SRP54: variants seen among roughly 807,000 people sequenced by gnomAD.
The protein encoded by SRP54 is signal recognition particle subunit SRP54.
A neutral mutation model predicts 64.8 loss-of-function variants in SRP54; 10 were observed. The ratio of observed to expected loss-of-function variants is 0.15; its 90% CI spans 0.10 to 0.26. SRP54 has a LOEUF of 0.26. Among genes scored for constraint, SRP54 ranks in the 10% least tolerant of loss-of-function variants. The pLI, the probability that SRP54 is intolerant of heterozygous loss-of-function variation, is 1.00. For missense variants in SRP54, 325 were observed against 613.7 expected (o/e 0.53, Z 4.97); for synonymous variants, 193 against 185.6 (o/e 1.04, Z -0.32).
chr14:35,010,794 A>T lies in SRP54; in HGVS notation c.486-715A>T, dbSNP rs544906790. On this transcript the variant is annotated intron_variant, in intron 7 of 15. Transcript: ENST00000216774. ...ATAAATAAATAAATACATAAAAATT[A>T]AAAAAAAAATTGGAAAAACGTCAAA... Among the ~76,000 whole-genome samples, 33 of 150,724 alleles carry T rather than the reference A, an allele frequency of 2.2e-4. No homozygotes were observed. In the East Asian group the frequency reaches 2.3e-3, roughly 11 times the overall value.
intron 1 of SRP54, among the ~76,000 whole-genome samples, chr14:34,987,362 A>G (rs2043916057): frequency 1.3e-5 from 2 of 150,924 alleles, no homozygotes; most frequent in Non-Finnish European, 3.0e-5. Context: ...TTACAAAGTT[A>G]CGCAACTATC....
At chr14:34,996,377 C>CA (rs2044073712) in intron 1 of SRP54, among the ~76,000 whole-genome samples, 1 of 151,460 alleles carries the variant, frequency 6.6e-6, no homozygotes, top group South Asian at 2.1e-4. Context: ...AGTATTGTGC[C>CA]AAAAAAAGAA....
intron 11 of SRP54, among the ~76,000 whole-genome samples, chr14:35,016,247 A>T (rs563513597): frequency 6.6e-6 from 1 of 152,338 alleles, no homozygotes; most frequent in South Asian, 2.1e-4. Context: ...AGCCCAGAAT[A>T]ATCTTTCAAA....
At chr14:34,987,845 A>G (rs1486136327) in intron 1 of SRP54, among the ~76,000 whole-genome samples, 1 of 152,222 alleles carries the variant, frequency 6.6e-6, no homozygotes, top group East Asian at 1.9e-4. Context: ...TTAACAAAAT[A>G]TGGATTATAC....
intron 1 of SRP54, chr14:34,993,205 C>T (rs1425969532): frequency 6.6e-6 from 1 of 152,068 alleles, no homozygotes; most frequent in East Asian, 1.9e-4. Flanking sequence ...ATGACATGAC[C>T]TCTAAAAAAG....
In SRP54 at chr14:34,999,323, C is replaced by A. The variant is rs143047244; in HGVS notation, c.79-235C>A. On this transcript the variant is annotated intron_variant, in intron 2 of 15. Transcript: ENST00000216774. ...AGCCACCATGCCGGGCCTATAATTA[C>A]TTTTATATAGGAATAAAATTGTGGC... Among the ~76,000 whole-genome samples the A allele has an allele frequency of 8.1e-3, 1,239 of 152,100 alleles. 16 individuals carry two copies. The highest frequency in any genetic ancestry group is 0.029 in the African/African-American group (1,187 of 41,502).
chr14:35,011,601 G>A lies in SRP54; in HGVS notation c.578G>A (p.Gly193Asp). Residue 193 changes from glycine (G) to aspartate (D), a missense_variant, in exon 8 of 16, where the codon GGC (glycine) becomes GAC (aspartate). Gly to Asp is a moderately conservative substitution (Grantham distance 94). Around this residue, in one of 3 missense-constraint regions of SRP54, gnomAD observed 156 missense variants for 254.6 expected, o/e 0.61. Coordinates refer to ENST00000216774, the MANE Select transcript of SRP54 (RefSeq NM_003136.4). ...NFEIIIVDTS[G>D]RHKQEDSLFE... The stretch of plus-strand genomic sequence containing the variant: ...GAAATTATTATTGTTGATACAAGTG[G>A]CCGCCACAAACAAGAAGACTCTTTG... 2 of 1,593,556 alleles carry A rather than the reference G, an allele frequency of 1.3e-6. No homozygotes were observed. Among genetic ancestry groups the A allele is most frequent in the East Asian group, 2.2e-5 (1 of 44,592 alleles).
At chr14:34,998,601 C>T (rs1478467376) in intron 2 of SRP54, among the ~76,000 whole-genome samples, 1 of 151,940 alleles carries the variant, frequency 6.6e-6, no homozygotes, top group East Asian at 1.9e-4. Flanking sequence ...CACCTGAGGT[C>T]AGGAGTTTGA....
chr14:35,001,971 T>C (rs917399777), intron 4 of SRP54, among the ~76,000 whole-genome samples: 3 of 148,712 alleles, frequency 2.0e-5, no homozygotes, highest in African/African-American at 7.5e-5. Flanking sequence ...GAGGCGGAGG[T>C]GGGAGGATTG....
At chr14:35,007,440 A>G in intron 5 of SRP54, 53 bp downstream of exon 5, 1 of 1,158,382 alleles carries the variant, frequency 8.6e-7, no homozygotes, top group East Asian at 2.8e-5. Context: ...GTTTGTATAA[A>G]TCAAGTTTTG....
At chr14:35,018,883 A>G (rs1049343963) in intron 12 of SRP54, 83 bp from the exon 13 acceptor site, 19 of 1,412,682 alleles carry the variant, frequency 1.3e-5, no homozygotes, top group Non-Finnish European at 1.8e-5. Flanking sequence ...CTTAGTGTCA[A>G]TATTAAACCT....
At chr14:34,991,787 A>G (rs781607895) in intron 1 of SRP54, among the ~76,000 whole-genome samples, 1 of 151,996 alleles carries the variant, frequency 6.6e-6, no homozygotes, top group Non-Finnish European at 1.5e-5. Flanking sequence ...TCTGTGTGCA[A>G]TGGAAGTCAT....
At chr14:35,027,015 C>A (rs756800265) in intron 14 of SRP54, among the ~76,000 whole-genome samples, 1 of 145,684 alleles carries the variant, frequency 6.9e-6, no homozygotes, top group Non-Finnish European at 1.5e-5. Context: ...TCATACTTTA[C>A]TTTCTACTTT....
rs757048242 is a variant in SRP54 at position 34,996,659 on chromosome 14, A to T, written c.-33-18A>T. On this transcript the variant is annotated intron_variant, in intron 1 of 15. Coordinates refer to ENST00000216774, the MANE Select transcript of SRP54 (RefSeq NM_003136.4). ...AAGTGAAATTGATTATTCTCACTTA[A>T]TTTTTTTTCTGCTGTAGAGTTCTTC... 3 of 1,280,130 alleles carry T rather than the reference A, an allele frequency of 2.3e-6. No homozygotes were observed. The highest frequency in any genetic ancestry group is 2.3e-5 in the East Asian group (1 of 43,256). 79.3% of individuals were successfully genotyped at this position (1,280,130 alleles called of 1,614,324 possible). A position where few individuals can be genotyped will look rare whatever the true frequency, so the allele number is the denominator to read the frequency against.
intron 14 of SRP54, among the ~76,000 whole-genome samples, chr14:35,024,520 A>G (rs1441956413): frequency 6.6e-6 from 1 of 152,100 alleles, no homozygotes; most frequent in East Asian, 1.9e-4. Flanking sequence ...TATGTCTTCA[A>G]ATATTTTCCC....
chr14:34,991,127 T>TTTTGTTG (rs1555352960), intron 1 of SRP54, among the ~76,000 whole-genome samples: 1 of 123,186 alleles, frequency 8.1e-6, no homozygotes, highest in East Asian at 2.5e-4. Context: ...TTTTTTTTTT[T>TTTTGTTG]TTGTTGTTGT....
At chr14:34,984,260 C>T (rs1594972200) in intron 1 of SRP54, among the ~76,000 whole-genome samples, 1 of 152,134 alleles carries the variant, frequency 6.6e-6, no homozygotes, top group South Asian at 2.1e-4. Context: ...GTAAGATAAC[C>T]ATAAATGTAG....
At chr14:35,026,364 A>G (rs1316765755) in intron 14 of SRP54, among the ~76,000 whole-genome samples, 3 of 151,892 alleles carry the variant, frequency 2.0e-5, no homozygotes, top group African/African-American at 4.8e-5. Flanking sequence ...AGTAGCTGAG[A>G]CTACAGACGC....
At chr14:34,990,487 A>G (rs2043961739) in intron 1 of SRP54, among the ~76,000 whole-genome samples, 1 of 152,194 alleles carries the variant, frequency 6.6e-6, no homozygotes, top group Non-Finnish European at 1.5e-5. Context: ...GTGAAATGAG[A>G]TAATAGATGT....
Sources: allele counts gnomAD v4.1 joint callset (sites outside exome capture counted in the v4.1 genomes callset), GRCh38; gene constraint gnomAD v4.1.1; regional missense constraint gnomAD v4.1.1; transcripts MANE v1.5; gene names NCBI Gene and HGNC (gene_info 2026-07-23, HGNC 2026-07-21).